Variants in SUSD1 observed in about 807,000 individuals in gnomAD.
The protein encoded by SUSD1 is sushi domain containing 1.
In SUSD1, 65 loss-of-function variants were observed where a neutral mutation model predicts 86.9. That is an observed-to-expected ratio of 0.75 (90% CI 0.61 to 0.92). SUSD1 has a LOEUF of 0.92. Ranked by LOEUF, SUSD1 falls within the 40% of genes least tolerant of loss-of-function variation. The pLI is 0.00. For missense variants in SUSD1, 850 were observed against 929.7 expected (o/e 0.91, Z 1.11); for synonymous variants, 346 against 350.0 (o/e 0.99, Z 0.13).
intron 3 of SUSD1, among the ~76,000 whole-genome samples, chr9:112,145,613 C>A (rs1832778774): frequency 6.6e-6 from 1 of 152,082 alleles, no homozygotes; most frequent in African/African-American, 2.4e-5. Flanking sequence ...ATTTTAGCCC[C>A]CAAAAGATAA....
intron 13 of SUSD1, among the ~76,000 whole-genome samples, chr9:112,061,077 C>T (rs546280064): frequency 2.6e-5 from 4 of 152,298 alleles, no homozygotes; most frequent in East Asian, 3.9e-4. Flanking sequence ...GAATCTGTAT[C>T]GCTGGTAAAG....
intron 14 of SUSD1, 30 bp downstream of exon 14, chr9:112,058,398 G>C (rs1342408445): frequency 8.1e-6 from 13 of 1,597,660 alleles, no homozygotes; most frequent in Middle Eastern, 1.7e-4. Flanking sequence ...AGAAAATACA[G>C]AGTTCACAAG....
intron 5 of SUSD1, among the ~76,000 whole-genome samples, chr9:112,128,728 T>C (rs1315696633): frequency 2.0e-5 from 3 of 152,256 alleles, no homozygotes; most frequent in East Asian, 3.9e-4. Flanking sequence ...AGGATGGCAA[T>C]GAGCAAGCCA....
At chr9:112,112,711 C>A (rs1335917029) in intron 7 of SUSD1, 60 bp downstream of exon 7, 12 of 1,144,452 alleles carry the variant, frequency 1.0e-5, no homozygotes, top group Non-Finnish European at 1.6e-5. Flanking sequence ...GTCCCTCTGA[C>A]TCATATTCCC....
intron 8 of SUSD1, among the ~76,000 whole-genome samples, chr9:112,110,169 T>G (rs1564302818): frequency 6.6e-6 from 1 of 151,994 alleles, no homozygotes. Flanking sequence ...GCCAATAAGG[T>G]GAAACTCAGT....
At chr9:112,103,251 G>A (rs575719511) in intron 8 of SUSD1, 4 of 362,620 alleles carry the variant, frequency 1.1e-5, no homozygotes, top group Non-Finnish European at 2.2e-5. Flanking sequence ...TTCAGCACAA[G>A]GCAGCCAGCT....
At chr9:112,168,547 C>G (rs561449896) in intron 1 of SUSD1, among the ~76,000 whole-genome samples, 36 of 152,238 alleles carry the variant, frequency 2.4e-4, no homozygotes, top group Non-Finnish European at 4.4e-4. Flanking sequence ...AACACTCTCA[C>G]TCTTTACTTC....
At chr9:112,117,741 C>T (rs1376568273) in intron 6 of SUSD1, among the ~76,000 whole-genome samples, 1 of 152,138 alleles carries the variant, frequency 6.6e-6, no homozygotes, top group African/African-American at 2.4e-5. Context: ...GGCCCTAGCA[C>T]AGTGCCTTAA....
chr9:112,131,166 A>G lies in SUSD1; in HGVS notation c.707-6730T>C, dbSNP rs569639315. On this transcript the variant is annotated intron_variant, in intron 5 of 16. Coordinates refer to ENST00000374270, the MANE Select transcript of SUSD1 (RefSeq NM_022486.5). ...CCATTCGTAAAAGAGCTGATATTCAAACTGTGGTTTGTATGACCTCAAAGT... is the reference window on the plus strand; with the variant it reads ...CCATTCGTAAAAGAGCTGATATTCAGACTGTGGTTTGTATGACCTCAAAGT... 9.2e-5 allele frequency among the ~76,000 whole-genome samples: 14 copies of G among 152,354 alleles called. No homozygotes were observed. In the East Asian group the frequency reaches 2.7e-3, roughly 29 times the overall value.
chr9:112,041,664 C>T (rs914940986), intron 16 of SUSD1, among the ~76,000 whole-genome samples, 172 bp from the exon 17 acceptor site: 3 of 152,190 alleles, frequency 2.0e-5, no homozygotes, highest in Non-Finnish European at 2.9e-5. Flanking sequence ...ACTGGTCCTG[C>T]TCTTTTCCTG....
chr9:112,109,145 A>G (rs10981261), intron 8 of SUSD1, among the ~76,000 whole-genome samples: 4,026 of 152,292 alleles, frequency 0.026, 183 homozygotes, highest in African/African-American at 0.092. Context: ...AAATGTCAGA[A>G]ACATAAACAG....
chr9:112,136,152 G>C (rs1832253624), intron 5 of SUSD1, among the ~76,000 whole-genome samples: 1 of 152,222 alleles, frequency 6.6e-6, no homozygotes, highest in Non-Finnish European at 1.5e-5. Flanking sequence ...AGTCAATGCA[G>C]TTTTTAAAAA....
intron 12 of SUSD1, 53 bp from the exon 13 acceptor site, chr9:112,063,086 C>A (rs2131501592): frequency 8.2e-7 from 1 of 1,216,120 alleles, no homozygotes; most frequent in Non-Finnish European, 1.2e-6. Flanking sequence ...AAGTAAACAG[C>A]AGGACAAAAG....
chr9:112,168,276 G>C (rs1442396902), intron 1 of SUSD1, among the ~76,000 whole-genome samples: 1 of 152,220 alleles, frequency 6.6e-6, no homozygotes, highest in Non-Finnish European at 1.5e-5. Flanking sequence ...GAAATGCACT[G>C]ATGCAAAAAT....
intron 8 of SUSD1, among the ~76,000 whole-genome samples, chr9:112,106,206 C>T (rs1272433750): frequency 1.3e-5 from 2 of 152,100 alleles, no homozygotes; most frequent in East Asian, 3.9e-4. Context: ...ACCCTGGCCT[C>T]AGGTGATCCG....
At chr9:112,055,547 G>A (rs918278067) in intron 14 of SUSD1, among the ~76,000 whole-genome samples, 6 of 152,166 alleles carry the variant, frequency 3.9e-5, no homozygotes, top group Non-Finnish European at 8.8e-5. Flanking sequence ...GAAGCCCTAC[G>A]CACTGCTGGT....
In SUSD1 at chr9:112,124,363, A is replaced by G; in HGVS notation, c.780T>C (p.Gly260=). 6.2e-7 allele frequency: 1 copy of G among 1,614,068 alleles called. No homozygotes were observed. The highest frequency in any genetic ancestry group is 1.1e-5 in the South Asian group (1 of 91,084). Residue 260 remains glycine (G), a synonymous_variant, in exon 6 of 17, where the codon GGT becomes GGC. Transcript: ENST00000374270. ...CCTCTTGACAGACATAGCGAGCCAC[A>G]CCGCCCAGCCTGGAGCTGTGATTTC... is the stretch of plus-strand genomic sequence containing the variant. The part of the protein sequence containing the change: ...LVGNHSSRLG[G]VARYVCQEGF...
At chr9:112,164,254 A>G (rs1833688445) in intron 1 of SUSD1, among the ~76,000 whole-genome samples, 1 of 152,200 alleles carries the variant, frequency 6.6e-6, no homozygotes, top group African/African-American at 2.4e-5. Context: ...CCTTAGAGGA[A>G]GGCAGCCAGG....
At chr9:112,056,202 G>A (rs1828440666) in intron 14 of SUSD1, among the ~76,000 whole-genome samples, 1 of 152,142 alleles carries the variant, frequency 6.6e-6, no homozygotes, top group African/African-American at 2.4e-5. Context: ...CGGGGGTTGA[G>A]GCTGCAGTGA....
Sources: gnomAD v4.1 joint callset for allele counts (sites outside exome capture counted in the v4.1 genomes callset) on GRCh38, gnomAD v4.1.1 for gene constraint, MANE v1.5 for transcripts, NCBI Gene and HGNC (gene_info 2026-07-23, HGNC 2026-07-21) for gene names.